Variants in ADAMTS7 observed in about 807,000 individuals in gnomAD.
ADAMTS7 encodes the protein A disintegrin and metalloproteinase with thrombospondin motifs 7.
In ADAMTS7, 89 loss-of-function variants were observed where a neutral mutation model predicts 172.6. That is an observed-to-expected ratio of 0.52 (90% confidence interval 0.43 to 0.61). ADAMTS7 has a LOEUF of 0.61. Among genes scored for constraint, ADAMTS7 ranks in the 20% least tolerant of loss-of-function variants. The probability of loss-of-function intolerance (pLI) is 0.00; values close to 1 mark genes in which losing one functional copy is unlikely to be tolerated. For missense variants in ADAMTS7, 1,973 were observed against 2,355.6 expected, an observed-to-expected ratio of 0.84 and a Z score of 3.36; for synonymous variants, 885 against 978.4, an observed-to-expected ratio of 0.90 and a Z score of 1.78.
chr15:78,796,541 AC>A (rs757887749), intron 4 of ADAMTS7, 48 bp downstream of exon 4: 4 of 1,188,334 alleles, frequency 3.4e-6, no homozygotes, highest in African/African-American at 1.6e-5. Context: ...TTTGCACCCC[AC>A]CCCCCAACAC....
At chr15:78,805,480 T>G (rs1332455550) in intron 1 of ADAMTS7, among the ~76,000 whole-genome samples, 1 of 152,218 alleles carries the variant, frequency 6.6e-6, no homozygotes, top group Non-Finnish European at 1.5e-5. Flanking sequence ...GAAGGGCCTA[T>G]GCTCCCCGGT....
intron 7 of ADAMTS7, 53 bp downstream of exon 7, chr15:78,789,636 G>A: frequency 1.2e-6 from 2 of 1,602,188 alleles, no homozygotes; most frequent in South Asian, 1.1e-5. Context: ...GTGCCCCCAG[G>A]CTGCGAGGGT....
chr15:78,800,386 C>T lies in ADAMTS7; in HGVS notation c.262G>A (p.Gly88Arg), dbSNP rs767445542. 3 of 1,607,266 alleles carry T rather than the reference C, an allele frequency of 1.9e-6. No individual in the cohort carries two copies. The highest frequency in any genetic ancestry group is 1.7e-5 in the Admixed American group (1 of 59,458). ...GTCAGGTTGAAGCGCAGCTCGCGCC[C>T]GCGGTATTGTAGCTCGTAGAAGGCG... is the stretch of plus-strand genomic sequence containing the variant. ...APAFYELQYR[G>R]RELRFNLTAN... The change falls in exon 2 of 24, where the codon GGG (glycine) becomes AGG (arginine). Residue 88 changes from glycine (G) to arginine (R), a missense_variant. Transcript: ENST00000388820.
At chr15:78,789,303 C>T (rs1419092408) in intron 7 of ADAMTS7, among the ~76,000 whole-genome samples, 19 of 152,196 alleles carry the variant, frequency 1.2e-4, no homozygotes, top group Admixed American at 1.0e-3. Context: ...CACAGAGGCC[C>T]AGAGAGGGCA....
intron 16 of ADAMTS7, chr15:78,770,872 G>A: frequency 2.2e-6 from 1 of 448,528 alleles, no homozygotes; most frequent in Admixed American, 3.6e-5. Context: ...AGGGGCCACT[G>A]GACTGGTCTA....
At chr15:78,765,581 A>T in intron 19 of ADAMTS7, 64 bp downstream of exon 19, 3 of 1,597,920 alleles carry the variant, frequency 1.9e-6, no homozygotes, top group Non-Finnish European at 2.6e-6. Flanking sequence ...GCTCATTTTC[A>T]GATGAGGAAA....
In ADAMTS7 at chr15:78,767,607, C is replaced by T. The variant is rs1373614386; in HGVS notation, c.2646-15G>A. ...CTGCCCACCACCTGGCGAGGGCACA[C>T]AGGTGGCATCAGTGTGGCATCAGAC... On this transcript the variant is annotated splice_polypyrimidine_tract_variant and intron_variant, in intron 17 of 23. Coordinates refer to ENST00000388820, the MANE Select transcript of ADAMTS7 (RefSeq NM_014272.5). 2.0e-6 allele frequency: 3 copies of T among 1,525,224 alleles called. No individual in the cohort carries two copies. Among genetic ancestry groups the T allele is most frequent in the East Asian group, 2.5e-5 (1 of 40,634 alleles). 94.5% of individuals were successfully genotyped at this position (1,525,224 alleles called of 1,614,324 possible).
At chr15:78,769,987 C>A (rs573071912) in intron 16 of ADAMTS7, among the ~76,000 whole-genome samples, 54 of 152,176 alleles carry the variant, frequency 3.5e-4, no homozygotes, top group African/African-American at 1.3e-3. Context: ...CATGGTGAAA[C>A]CCCATCTCTA....
rs778261077 is a variant in ADAMTS7 at position 78,766,701 on chromosome 15, G to C, written c.3210C>G (p.Ile1070Met). 1 of 1,610,960 alleles carries C rather than the reference G, an allele frequency of 6.2e-7. No homozygotes were observed. The highest frequency in any genetic ancestry group is 1.3e-5 in the African/African-American group (1 of 74,994). ...CGTAGGACAGATCCTCGTGGAAATT[G>C]ATGAAATTGTAGTCGTAGTAGAAGT... ...VDDFYYDYNF[I>M]NFHEDLSYGP... is the part of the protein sequence containing the mutation. Residue 1070 changes from isoleucine to methionine, a missense_variant, in exon 19 of 24, where the codon ATC becomes ATG. Ile to Met is a conservative substitution (Grantham distance 10). Coordinates refer to ENST00000388820, the MANE Select transcript of ADAMTS7 (RefSeq NM_014272.5).
chr15:78,811,241 C>T lies in ADAMTS7; in HGVS notation c.-21G>A. The T allele has an allele frequency of 8.2e-7, 1 of 1,224,540 alleles. No homozygotes were observed. Among genetic ancestry groups the T allele is most frequent in the Non-Finnish European group, 1.0e-6 (1 of 983,294 alleles). 75.9% of individuals were successfully genotyped at this position (1,224,540 alleles called of 1,614,324 possible). A position where few individuals can be genotyped will look rare whatever the true frequency, so the allele number is the denominator to read the frequency against. On this transcript the variant is annotated 5_prime_UTR_variant, in exon 1 of 24. Coordinates refer to ENST00000388820, the MANE Select transcript of ADAMTS7 (RefSeq NM_014272.5). ...GGCATGGCAGGAACCGGGCGGCCGCCGGGTGACCCCGCGCGCACGCTCTCG... is the reference window on the plus strand; with the variant it reads ...GGCATGGCAGGAACCGGGCGGCCGCTGGGTGACCCCGCGCGCACGCTCTCG...
At position 78,774,796 on chromosome 15, in the gene ADAMTS7, G is replaced by C; in HGVS notation, c.1707-3C>G. ...AGTATCTGCCTTTGTATTTGGGCCT[G>C]TGGGGAGAACCGGGGTGGGCCCCAG... On this transcript the variant is annotated splice_region_variant and splice_polypyrimidine_tract_variant and intron_variant, in intron 11 of 23. Transcript: ENST00000388820. The C allele has an allele frequency of 6.3e-7, 1 of 1,590,094 alleles. No individual in the cohort carries two copies. Among genetic ancestry groups the C allele is most frequent in the South Asian group, 1.1e-5 (1 of 88,896 alleles).
chr15:78,766,363 C>T lies in ADAMTS7; in HGVS notation c.3548G>A (p.Gly1183Asp), dbSNP rs1214625672. Residue 1183 changes from glycine (G) to aspartate (D), a missense_variant, in exon 19 of 24, where the codon GGC becomes GAC. Coordinates refer to ENST00000388820, the MANE Select transcript of ADAMTS7 (RefSeq NM_014272.5). The stretch of plus-strand genomic sequence containing the variant: ...CTCAGGGGTGGCAGGTGTCTGCAGG[C>T]CATCAGTGGAAACCCTGGGCCAGGA... ...SLSWPRVSTD[G>D]LQTPATPESQ... 6.2e-7 allele frequency: 1 copy of T among 1,610,488 alleles called. No individual in the cohort carries two copies. The highest frequency in any genetic ancestry group is 2.2e-5 in the East Asian group (1 of 44,864).
intron 1 of ADAMTS7, among the ~76,000 whole-genome samples, chr15:78,801,834 C>T (rs1304922638): frequency 6.6e-6 from 1 of 152,136 alleles, no homozygotes; most frequent in African/African-American, 2.4e-5. Flanking sequence ...GGTGCCACCA[C>T]ACTTGGCTAA....
intron 4 of ADAMTS7, among the ~76,000 whole-genome samples, chr15:78,794,492 G>T (rs1464533451): frequency 6.6e-6 from 1 of 152,222 alleles, no homozygotes; most frequent in Non-Finnish European, 1.5e-5. Flanking sequence ...CCTGAACAAT[G>T]CTGGGCTCAC....
Position 78,773,092 on chromosome 15 carries a change from C to A in ADAMTS7, c.2122G>T (p.Glu708Ter). ...HTVSGTFEEA[E>*]GLGYVDVGLI... Reference sequence around the variant, plus strand: ...CGGTCCCACCCCATACCCAGGCCCTCGGCCTCCTCGAAGGTCCCGCTCACG... The same window carrying A: ...CGGTCCCACCCCATACCCAGGCCCTAGGCCTCCTCGAAGGTCCCGCTCACG... The change falls in exon 14 of 24, where the codon GAG becomes TAG. Residue 708 changes from glutamate to a stop codon, truncating the protein, a stop_gained. Coordinates refer to ENST00000388820, the MANE Select transcript of ADAMTS7 (RefSeq NM_014272.5). LOFTEE classifies it high-confidence loss of function. The A allele has an allele frequency of 1.3e-6, 2 of 1,509,080 alleles. 1 individual carries two copies. Among genetic ancestry groups the A allele is most frequent in the Non-Finnish European group, 1.8e-6 (2 of 1,104,706 alleles). 93.5% of individuals were successfully genotyped at this position (1,509,080 alleles called of 1,614,324 possible). A position where few individuals can be genotyped will look rare whatever the true frequency, so the allele number is the denominator to read the frequency against.
chr15:78,800,484 C>T lies in ADAMTS7; in HGVS notation c.164G>A (p.Gly55Asp), dbSNP rs757802331. Residue 55 changes from glycine to aspartate, a missense_variant, in exon 2 of 24, where the codon GGC (glycine) becomes GAC (aspartate). By Grantham distance (94) the Gly-to-Asp change is moderately conservative. Around this residue, in one of 8 missense-constraint regions of ADAMTS7, gnomAD observed 306 missense variants for 288.0 expected, o/e 1.06. Coordinates refer to ENST00000388820, the MANE Select transcript of ADAMTS7 (RefSeq NM_014272.5). ...IVHPVRVDAG[G>D]SFLSYELWPR... ...CCACAGCTCGTAGGACAGGAAGGAG[C>T]CCCCCGCGTCGACTCGAACCGGGTG... 3 of 1,609,552 alleles carry T rather than the reference C, an allele frequency of 1.9e-6. No homozygotes were observed. Among genetic ancestry groups the T allele is most frequent in the Non-Finnish European group, 2.5e-6 (3 of 1,178,562 alleles).
At position 78,800,991 on chromosome 15, in the gene ADAMTS7, T is replaced by C. The variant is rs753677248; in HGVS notation, c.101-444A>G. On this transcript the variant is annotated intron_variant, in intron 1 of 23. Coordinates refer to ENST00000388820, the MANE Select transcript of ADAMTS7 (RefSeq NM_014272.5). ...CCTGAACTCAGGTGATACGCTCGCC[T>C]CGGCCTCCCAAAGTGCTGCAATTAC... 2.0e-5 allele frequency among the ~76,000 whole-genome samples: 3 copies of C among 152,148 alleles called. 1 individual carries two copies. The East Asian group carries it at 5.8e-4, about 29-fold the overall frequency.
In ADAMTS7 at chr15:78,811,313, T is replaced by G; in HGVS notation, c.-93A>C. On this transcript the variant is annotated 5_prime_UTR_variant, in exon 1 of 24. The change abolishes an upstream ATG in the 5' untranslated region. Transcript: ENST00000388820. ...CTGGTCCCAGGTCCGGCTCAGGACATGCCCGGCCGGCGTGCAGCTCCCGGC... is the reference window on the plus strand; with the variant it reads ...CTGGTCCCAGGTCCGGCTCAGGACAGGCCCGGCCGGCGTGCAGCTCCCGGC... 3 of 1,201,086 alleles carry G rather than the reference T, an allele frequency of 2.5e-6. No individual in the cohort carries two copies. The highest frequency in any genetic ancestry group is 2.1e-6 in the Non-Finnish European group (2 of 967,408). The allele number at this position is 1,201,086 out of a possible 1,614,324, so 74.4% of individuals were successfully genotyped here.
At chr15:78,790,619 CG>C (rs1567231715) in intron 6 of ADAMTS7, 50 bp downstream of exon 6, 4 of 1,603,706 alleles carry the variant, frequency 2.5e-6, no homozygotes, top group Non-Finnish European at 3.4e-6. Context: ...TCTGCAGGGC[CG>C]GGAAGCACCT....
Sources: allele counts gnomAD v4.1 joint callset (sites outside exome capture counted in the v4.1 genomes callset), GRCh38; gene constraint gnomAD v4.1.1; regional missense constraint gnomAD v4.1.1; transcripts MANE v1.5; gene names NCBI Gene and HGNC (gene_info 2026-07-23, HGNC 2026-07-21).